EMSY: variants seen among roughly 807,000 people sequenced by gnomAD.
The protein encoded by EMSY is EMSY transcriptional repressor, BRCA2 interacting.
Under a neutral mutation model 134.6 loss-of-function variants are expected in EMSY, and 26 were observed. The ratio of observed to expected loss-of-function variants is 0.19; its 90% CI spans 0.14 to 0.27. EMSY has a LOEUF of 0.27. Among genes scored for constraint, EMSY ranks in the 10% least tolerant of loss-of-function variants. The pLI is 1.00. For synonymous variants in EMSY, 579 were observed against 577.8 expected (o/e 1.00, Z -0.03); for missense variants, 1,305 against 1,611.4 (o/e 0.81, Z 3.26).
At chr11:76,515,878 ACT>A (rs1457192678) in intron 10 of EMSY, among the ~76,000 whole-genome samples, 1 of 152,144 alleles carries the variant, frequency 6.6e-6, no homozygotes, top group African/African-American at 2.4e-5. Context: ...AACAGAGTTA[ACT>A]CTACTTTTTC....
chr11:76,462,478 C>G (rs961807207), intron 6 of EMSY, among the ~76,000 whole-genome samples: 3 of 152,196 alleles, frequency 2.0e-5, no homozygotes, highest in Non-Finnish European at 4.4e-5. Context: ...GAGCCCCTTA[C>G]TAATGGGAGA....
chr11:76,460,189 G>C (rs1047376512), intron 6 of EMSY, 104 bp downstream of exon 7: 2 of 1,299,338 alleles, frequency 1.5e-6, no homozygotes, highest in Non-Finnish European at 2.2e-6. Context: ...TCCACTAGCT[G>C]TTAGTAGGTT....
exon 7 of EMSY, chr11:76,463,942 C>T (rs778301257): frequency 6.2e-7 from 1 of 1,614,188 alleles, no homozygotes; most frequent in South Asian, 1.1e-5. Flanking sequence ...CAAAGACGAT[C>T]ACTGTGCCTG....
At position 76,460,218 on chromosome 11, in the gene EMSY, A is replaced by G. The variant is rs555798349; in HGVS notation, c.571+133A>G. 22 of 1,088,332 alleles carry G rather than the reference A, an allele frequency of 2.0e-5. 2 individuals are homozygous for G. In the East Asian group the frequency reaches 5.2e-4, roughly 26 times the overall value. The allele number at this position is 1,088,332 out of a possible 1,614,324, so 67.4% of individuals were successfully genotyped here. A position where few individuals can be genotyped will look rare whatever the true frequency, so the allele number is the denominator to read the frequency against. ...GTAGGTTAGTTTTTGAAGATTTTAAAGAATTCCTTTCTTTACATATGACTA... is the reference window on the plus strand; with the variant it reads ...GTAGGTTAGTTTTTGAAGATTTTAAGGAATTCCTTTCTTTACATATGACTA... On this transcript the variant is annotated intron_variant, in intron 6 of 20. Coordinates refer to ENST00000334736, the Ensembl canonical transcript of EMSY.
chr11:76,528,263 C>T lies in EMSY; in HGVS notation c.1996-5C>T. The T allele has an allele frequency of 2.5e-6, 4 of 1,612,058 alleles. No individual in the cohort carries two copies. Among genetic ancestry groups the T allele is most frequent in the Non-Finnish European group, 3.4e-6 (4 of 1,178,678 alleles). On this transcript the variant is annotated splice_region_variant and splice_polypyrimidine_tract_variant and intron_variant, in intron 13 of 20. Coordinates refer to ENST00000334736, the Ensembl canonical transcript of EMSY. ...TATCTCAGTATATTTCTGCTTTTCT[C>T]CTAGGTTCTTATTAAACCCAAACCA...
intron 6 of EMSY, among the ~76,000 whole-genome samples, chr11:76,462,284 T>C (rs928075464): frequency 2.0e-5 from 3 of 152,194 alleles, no homozygotes; most frequent in Non-Finnish European, 4.4e-5. Flanking sequence ...AAAGTGCATC[T>C]CAAACATGAA....
intron 9 of EMSY, among the ~76,000 whole-genome samples, chr11:76,500,353 C>A (rs922457226): frequency 1.3e-5 from 2 of 152,118 alleles, no homozygotes; most frequent in African/African-American, 4.8e-5. Flanking sequence ...GGAACTAACT[C>A]CATTTATACC....
At chr11:76,496,430 C>G in exon 9 of EMSY, 1 of 1,614,112 alleles carries the variant, frequency 6.2e-7, no homozygotes, top group African/African-American at 1.3e-5. Context: ...TCCTTTGCCA[C>G]CTGGTATTAA....
At chr11:76,455,521 G>A (rs193267355) in intron 4 of EMSY, among the ~76,000 whole-genome samples, 3 of 152,076 alleles carry the variant, frequency 2.0e-5, no homozygotes, top group South Asian at 2.1e-4. Context: ...AAAGGAATGC[G>A]CCTGAACTGA....
chr11:76,535,101 C>G lies in EMSY; in HGVS notation c.2195-794C>G, dbSNP rs73495419. Among the ~76,000 whole-genome samples, 760 of 152,210 alleles carry G rather than the reference C, an allele frequency of 5.0e-3. 4 individuals are homozygous for G. Among genetic ancestry groups the G allele is most frequent in the African/African-American group, 0.017 (722 of 41,540 alleles). ...CAGAACTTCCAAGCTACAATAGCAA[C>G]AATAATAACATTTCTATTGGCCTTC... On this transcript the variant is annotated intron_variant, in intron 14 of 20. Transcript: ENST00000334736.
intron 2 of EMSY, among the ~76,000 whole-genome samples, 167 bp downstream of exon 2, chr11:76,447,175 T>C (rs1161910784): frequency 6.6e-6 from 1 of 152,240 alleles, no homozygotes; most frequent in East Asian, 1.9e-4. Flanking sequence ...CCTAACATAG[T>C]GCTTTGTAAA....
chr11:76,493,028 C>A (rs1324192988), intron 8 of EMSY, among the ~76,000 whole-genome samples: 1 of 151,948 alleles, frequency 6.6e-6, no homozygotes, highest in Non-Finnish European at 1.5e-5. Context: ...CCCACGCAGA[C>A]CTGGGCATCC....
intron 17 of EMSY, among the ~76,000 whole-genome samples, chr11:76,540,452 G>A (rs1168866262): frequency 1.3e-5 from 2 of 152,024 alleles, no homozygotes; most frequent in Admixed American, 1.3e-4. Flanking sequence ...AATTTAACAT[G>A]TGCATACAAA....
intron 8 of EMSY, among the ~76,000 whole-genome samples, chr11:76,490,602 A>G (rs1179305358): frequency 2.0e-5 from 3 of 152,202 alleles, no homozygotes; most frequent in African/African-American, 7.2e-5. Context: ...TATGGTTGTC[A>G]TACACTTTAA....
intron 8 of EMSY, among the ~76,000 whole-genome samples, chr11:76,482,368 C>T (rs1388857380): frequency 6.6e-6 from 1 of 152,114 alleles, no homozygotes; most frequent in Admixed American, 6.5e-5. Context: ...AACTCCTTGC[C>T]AGCAAGGGAA....
chr11:76,550,066 G>A (rs2136928745), exon 21 of EMSY: 1 of 1,613,964 alleles, frequency 6.2e-7, no homozygotes, highest in Non-Finnish European at 8.5e-7. Context: ...TGAGGAGACA[G>A]CAATGGAGCA....
At chr11:76,522,213 C>G (rs1484809485) in intron 11 of EMSY, among the ~76,000 whole-genome samples, 1 of 151,846 alleles carries the variant, frequency 6.6e-6, no homozygotes, top group South Asian at 2.1e-4. Context: ...TAGGTATAGA[C>G]CTATTAGATA....
At chr11:76,518,434 C>T (rs1950525604) in intron 11 of EMSY, among the ~76,000 whole-genome samples, 1 of 151,394 alleles carries the variant, frequency 6.6e-6, no homozygotes, top group Non-Finnish European at 1.5e-5. Flanking sequence ...ACCCAAAGTG[C>T]TGGGATTACA....
intron 9 of EMSY, among the ~76,000 whole-genome samples, chr11:76,507,361 G>T (rs1275981104): frequency 6.6e-6 from 1 of 152,166 alleles, no homozygotes; most frequent in East Asian, 1.9e-4. Flanking sequence ...TTCTGTAAAA[G>T]ATTTCTTTGT....
Sources: gnomAD v4.1 joint callset for allele counts (sites outside exome capture counted in the v4.1 genomes callset) on GRCh38, gnomAD v4.1.1 for gene constraint, MANE v1.5 for transcripts, NCBI Gene and HGNC (gene_info 2026-07-23, HGNC 2026-07-21) for gene names.